The following CDIN1 variants were observed in gnomAD, a reference collection of about 807,000 sequenced individuals.
CDIN1 encodes the protein CDAN1-interacting nuclease 1.
A neutral mutation model predicts 45.3 loss-of-function variants in CDIN1; 33 were observed. The ratio of observed to expected loss-of-function variants is 0.73; its 90% CI spans 0.55 to 0.97. The LOEUF (loss-of-function observed/expected upper bound fraction) is 0.97, where lower values mean the gene tolerates loss of function less well. Among genes scored for constraint, CDIN1 ranks in the 50% least tolerant of loss-of-function variants. CDIN1 has a pLI of 0.00. For missense variants in CDIN1, 303 were observed against 339.4 expected (o/e 0.89, Z 0.84); for synonymous variants, 118 against 124.4 (o/e 0.95, Z 0.34).
chr15:36,617,210 G>A, intron 1 of CDIN1: 1 of 866,434 alleles, frequency 1.2e-6, no homozygotes, highest in Non-Finnish European at 2.0e-6. Context: ...AGAACTGAAA[G>A]CTCTTGGCAT....
intron 5 of CDIN1, among the ~76,000 whole-genome samples, chr15:36,682,068 G>GGT (rs1313344015): frequency 6.6e-5 from 10 of 151,648 alleles, no homozygotes; most frequent in South Asian, 6.3e-4. Context: ...CAATAGGAGG[G>GGT]GTGTGTGTAT....
chr15:36,614,242 C>G, intron 1 of CDIN1: 2 of 615,158 alleles, frequency 3.3e-6, no homozygotes, highest in Non-Finnish European at 6.2e-6. Context: ...CCCTCTGACC[C>G]TGACTCCACC....
chr15:36,718,812 C>CTTTTTTTTTTTTTTTTTTTTT (rs3045909), intron 10 of CDIN1, among the ~76,000 whole-genome samples: 2 of 96,626 alleles, frequency 2.1e-5, no homozygotes, highest in Non-Finnish European at 3.9e-5. Context: ...AATTTGTATG[C>CTTTTTTTTTTTTTTTTTTTTT]TTTTTTTTTT....
At chr15:36,723,827 A>G (rs1272598552) in intron 10 of CDIN1, among the ~76,000 whole-genome samples, 1 of 152,250 alleles carries the variant, frequency 6.6e-6, no homozygotes, top group African/African-American at 2.4e-5. Flanking sequence ...AGTTACTTCT[A>G]TGTAGAAATA....
At chr15:36,649,582 G>T (rs940031183) in intron 3 of CDIN1, among the ~76,000 whole-genome samples, 1 of 152,096 alleles carries the variant, frequency 6.6e-6, no homozygotes, top group African/African-American at 2.4e-5. Context: ...TGAAACTAAT[G>T]TATACTCATT....
At chr15:36,752,898 G>T (rs1429580999) in intron 10 of CDIN1, among the ~76,000 whole-genome samples, 1 of 152,084 alleles carries the variant, frequency 6.6e-6, no homozygotes, top group Non-Finnish European at 1.5e-5. Flanking sequence ...CTTAAACATG[G>T]TCTGTCAATT....
At chr15:36,587,500 C>A (rs2037361330) in intron 1 of CDIN1, among the ~76,000 whole-genome samples, 1 of 152,036 alleles carries the variant, frequency 6.6e-6, no homozygotes, top group African/African-American at 2.4e-5. Context: ...GGAGTCCAAT[C>A]TGGTAAGGAG....
chr15:36,644,620 A>G (rs2040239499), intron 2 of CDIN1, among the ~76,000 whole-genome samples: 1 of 152,058 alleles, frequency 6.6e-6, no homozygotes, highest in Non-Finnish European at 1.5e-5. Flanking sequence ...ATGTTTGCTG[A>G]CTTGCACTGT....
rs540526200 is a variant in CDIN1 at position 36,773,010 on chromosome 15, G to GC, written c.717-35313dup. 3.7e-3 allele frequency among the ~76,000 whole-genome samples: 563 copies of GC among 152,070 alleles called. 3 individuals are homozygous for GC. Among genetic ancestry groups the GC allele is most frequent in the African/African-American group, 0.013 (532 of 41,486 alleles). On this transcript the variant is annotated intron_variant, in intron 10 of 10. Coordinates refer to ENST00000566621, the MANE Select transcript of CDIN1 (RefSeq NM_001321759.2). ...TTGTAGTTACATGCATATTTCATCTGCTAGTGTTCAGGCAGACTTTTAGAA... is the reference window on the plus strand; with the variant it reads ...TTGTAGTTACATGCATATTTCATCTGCCTAGTGTTCAGGCAGACTTTTAGAA...
At chr15:36,764,797 T>A (rs570170652) in intron 10 of CDIN1, among the ~76,000 whole-genome samples, 19 of 152,346 alleles carry the variant, frequency 1.2e-4, no homozygotes, top group Non-Finnish European at 2.2e-4. Flanking sequence ...GCCATTGGAA[T>A]GCACATAAGC....
At chr15:36,764,580 C>T (rs568030765) in intron 10 of CDIN1, among the ~76,000 whole-genome samples, 1 of 152,316 alleles carries the variant, frequency 6.6e-6, no homozygotes, top group South Asian at 2.1e-4. Flanking sequence ...AAAGCTTCTA[C>T]CGGCATCCAG....
At chr15:36,609,844 A>C (rs1247545407) in intron 1 of CDIN1, among the ~76,000 whole-genome samples, 1 of 152,202 alleles carries the variant, frequency 6.6e-6, no homozygotes, top group African/African-American at 2.4e-5. Context: ...AGGATGTGTT[A>C]AGCTTTTAAG....
intron 4 of CDIN1, among the ~76,000 whole-genome samples, chr15:36,655,817 G>T (rs2040761245): frequency 6.6e-6 from 1 of 152,210 alleles, no homozygotes; most frequent in East Asian, 1.9e-4. Flanking sequence ...TATAGATGAT[G>T]ATGTTGATTA....
intron 4 of CDIN1, 149 bp downstream of exon 4, chr15:36,654,307 C>T: frequency 1.7e-6 from 1 of 592,272 alleles, no homozygotes; most frequent in Non-Finnish European, 3.0e-6. Context: ...TCTCTTTGTA[C>T]TTTTAGTAAT....
chr15:36,759,572 C>G lies in CDIN1; in HGVS notation c.717-48752C>G, dbSNP rs77633723. ...TAAAAATCTAAAAGTTCCAGATAAACAAAAGTAACATCATTATCTTCCCAA... is the reference window on the plus strand; with the variant it reads ...TAAAAATCTAAAAGTTCCAGATAAAGAAAAGTAACATCATTATCTTCCCAA... On this transcript the variant is annotated intron_variant, in intron 10 of 10. Coordinates refer to ENST00000566621, the MANE Select transcript of CDIN1 (RefSeq NM_001321759.2). Among the ~76,000 whole-genome samples, 832 of 152,004 alleles carry G rather than the reference C, an allele frequency of 5.5e-3. 5 individuals are homozygous for G. The highest frequency in any genetic ancestry group is 8.5e-3 in the Non-Finnish European group (579 of 67,966).
At chr15:36,750,748 TGCC>T (rs2053437764) in intron 10 of CDIN1, among the ~76,000 whole-genome samples, 1 of 152,160 alleles carries the variant, frequency 6.6e-6, no homozygotes, top group African/African-American at 2.4e-5. Context: ...CTCACTGAAT[TGCC>T]AGTTCCGAAA....
At chr15:36,682,604 A>C (rs1002139176) in intron 5 of CDIN1, among the ~76,000 whole-genome samples, 7 of 150,720 alleles carry the variant, frequency 4.6e-5, no homozygotes, top group Admixed American at 2.0e-4. Flanking sequence ...CTCTACAAAA[A>C]AAAAAAAACA....
At chr15:36,649,248 A>G (rs2040477657) in intron 3 of CDIN1, among the ~76,000 whole-genome samples, 1 of 152,224 alleles carries the variant, frequency 6.6e-6, no homozygotes, top group South Asian at 2.1e-4. Context: ...TTCTGTCTCC[A>G]GCTAGCCTGA....
At chr15:36,602,821 A>AT in intron 1 of CDIN1, among the ~76,000 whole-genome samples, 6 of 151,950 alleles carry the variant, frequency 3.9e-5, no homozygotes, top group South Asian at 4.1e-4. Flanking sequence ...TACTAAAAAA[A>AT]AATATATATA....
Sources: allele counts gnomAD v4.1 joint callset (sites outside exome capture counted in the v4.1 genomes callset), GRCh38; gene constraint gnomAD v4.1.1; transcripts MANE v1.5; gene names NCBI Gene and HGNC (gene_info 2026-07-23, HGNC 2026-07-21).